The following KALRN variants were observed in gnomAD, a reference collection of about 807,000 sequenced individuals.
The protein encoded by KALRN is kalirin.
In KALRN, 70 loss-of-function variants were observed where a neutral mutation model predicts 353.7. The ratio of observed to expected loss-of-function variants is 0.20; its 90% CI spans 0.16 to 0.24. The LOEUF is 0.24. Among genes scored for constraint, KALRN ranks in the 10% least tolerant of loss-of-function variants. The pLI, the probability that KALRN is intolerant of heterozygous loss-of-function variation, is 1.00. For synonymous variants in KALRN, 1,391 were observed against 1,434.8 expected (o/e 0.97, Z 0.69); for missense variants, 2,791 against 3,756.7 (o/e 0.74, Z 6.72).
At chr3:124,637,066 T>C in intron 36 of KALRN, 142 bp from the exon 37 acceptor site, 1 of 687,954 alleles carries the variant, frequency 1.5e-6, no homozygotes, top group Non-Finnish European at 2.6e-6. Context: ...CACACTCTTC[T>C]CCCTCTGTCA....
intron 1 of KALRN, among the ~76,000 whole-genome samples, chr3:124,165,181 A>G (rs1353558956): frequency 6.6e-6 from 1 of 152,208 alleles, no homozygotes; most frequent in East Asian, 1.9e-4. Context: ...AACATATTAT[A>G]CTTTACTGAA....
intron 3 of KALRN, among the ~76,000 whole-genome samples, chr3:124,251,515 A>C (rs2071171314): frequency 6.6e-6 from 1 of 151,978 alleles, no homozygotes; most frequent in African/African-American, 2.4e-5. Flanking sequence ...GACTACAGGC[A>C]TGCGCCACCT....
chr3:124,557,522 C>T (rs1450766491), intron 33 of KALRN, among the ~76,000 whole-genome samples: 1 of 152,112 alleles, frequency 6.6e-6, no homozygotes, highest in Non-Finnish European at 1.5e-5. Context: ...GAGAGAAAGA[C>T]AGTTTTTGCA....
rs369500545 is a variant in KALRN at position 124,384,803 on chromosome 3, C to G, written c.1771-42C>G. 4.6e-5 allele frequency: 70 copies of G among 1,530,892 alleles called. 1 individual carries two copies. In the East Asian group the frequency reaches 9.0e-4, roughly 20 times the overall value. 94.8% of individuals were successfully genotyped at this position (1,530,892 alleles called of 1,614,324 possible). ...AGCCCCAGGGTGGGCTGCTGGAAGG[C>G]GCGACTGCAACTTGACTTTGCCTCA... On this transcript the variant is annotated intron_variant, in intron 10 of 59. Coordinates refer to ENST00000682506, the MANE Select transcript of KALRN (RefSeq NM_001388419.1).
At chr3:124,541,510 G>A (rs766930289) in intron 33 of KALRN, among the ~76,000 whole-genome samples, 4 of 151,726 alleles carry the variant, frequency 2.6e-5, no homozygotes, top group Non-Finnish European at 5.9e-5. Context: ...TTATAACCAC[G>A]CAGTTTTATT....
At chr3:124,446,912 A>G (rs1158393586) in intron 21 of KALRN, 27 bp downstream of exon 21, 1 of 1,613,110 alleles carries the variant, frequency 6.2e-7, no homozygotes, top group Admixed American at 1.7e-5. Flanking sequence ...AGCCTCCCCC[A>G]GATCCACCCA....
rs537754325 is a variant in KALRN, at chr3:124,461,806, A to G, written c.3855-84A>G. 14 of 931,460 alleles carry G rather than the reference A, an allele frequency of 1.5e-5. 1 individual carries two copies. Among genetic ancestry groups the G allele is most frequent in the East Asian group, 9.6e-5 (4 of 41,456 alleles). 57.7% of individuals were successfully genotyped at this position (931,460 alleles called of 1,614,324 possible). A position where few individuals can be genotyped will look rare whatever the true frequency, so the allele number is the denominator to read the frequency against. The stretch of plus-strand genomic sequence containing the variant: ...AAAATAAGACATTTAAGAATGTCAT[A>G]CATGCTGGGGTGGGGAAGTGAAGTT... On this transcript the variant is annotated intron_variant, in intron 23 of 59. Coordinates refer to ENST00000682506, the MANE Select transcript of KALRN (RefSeq NM_001388419.1).
intron 34 of KALRN, among the ~76,000 whole-genome samples, chr3:124,614,278 T>G (rs1012462490): frequency 6.6e-6 from 1 of 151,098 alleles, no homozygotes; most frequent in African/African-American, 2.4e-5. Context: ...ATTTATTTAT[T>G]TATTTATTGA....
chr3:124,718,582 C>A (rs368294925), intron 59 of KALRN, among the ~76,000 whole-genome samples: 7 of 152,150 alleles, frequency 4.6e-5, no homozygotes, highest in Non-Finnish European at 7.3e-5. Context: ...AGCCAACAAA[C>A]GTCACCTTCT....
In KALRN at chr3:124,328,702, G is replaced by A. The variant is rs375724699; in HGVS notation, c.1285-1159G>A. On this transcript the variant is annotated intron_variant, in intron 7 of 59. Coordinates refer to ENST00000682506, the MANE Select transcript of KALRN (RefSeq NM_001388419.1). ...ATCAACAGGCCAGGGACTGAAAGCT[G>A]ACAGTGACAACAAAACTAGAACGCA... 2.3e-3 allele frequency among the ~76,000 whole-genome samples: 357 copies of A among 152,336 alleles called. 19 individuals are homozygous for A. In the South Asian group the frequency reaches 0.07, roughly 30 times the overall value.
chr3:124,479,070 T>C (rs2061705500), intron 27 of KALRN, among the ~76,000 whole-genome samples: 1 of 152,270 alleles, frequency 6.6e-6, no homozygotes, highest in African/African-American at 2.4e-5. Context: ...CACCTTTCTG[T>C]TACTCACATC....
Position 124,657,819 on chromosome 3 carries a change from C to G in KALRN, c.6036+16C>G. ...TATTAAGCACGTGAGTGTCTCCCAT[C>G]ACCTCCTCCCCAACTCCTTCACTAG... is the stretch of plus-strand genomic sequence containing the variant. On this transcript the variant is annotated intron_variant, in intron 41 of 59. Coordinates refer to ENST00000682506, the MANE Select transcript of KALRN (RefSeq NM_001388419.1). 6.4e-7 allele frequency: 1 copy of G among 1,551,886 alleles called. No individual in the cohort carries two copies. Among genetic ancestry groups the G allele is most frequent in the Admixed American group, 1.7e-5 (1 of 59,832 alleles).
At chr3:124,400,239 A>C (rs1420915384) in intron 13 of KALRN, among the ~76,000 whole-genome samples, 1 of 152,184 alleles carries the variant, frequency 6.6e-6, no homozygotes, top group Non-Finnish European at 1.5e-5. Context: ...CCTAGGTCCA[A>C]AAATGTTCAT....
intron 5 of KALRN, among the ~76,000 whole-genome samples, chr3:124,273,723 G>A (rs1016963672): frequency 6.7e-6 from 1 of 150,068 alleles, no homozygotes; most frequent in Non-Finnish European, 1.5e-5. Flanking sequence ...GGAATGACAG[G>A]AAAGTCTTAA....
At position 124,723,758 on chromosome 3, in the gene KALRN, G is replaced by T. The variant is rs866050449; in HGVS notation, c.*4288G>T. The T allele has an allele frequency of 2.0e-5, 3 of 152,182 alleles. No individual in the cohort carries two copies. The highest frequency in any genetic ancestry group is 4.4e-5 in the Non-Finnish European group (3 of 68,030). The allele number at this position is 152,182 out of a possible 1,614,324, so 9.4% of individuals were successfully genotyped here. A position where few individuals can be genotyped will look rare whatever the true frequency, so the allele number is the denominator to read the frequency against. On this transcript the variant is annotated 3_prime_UTR_variant, in exon 60 of 60. Coordinates refer to ENST00000682506, the MANE Select transcript of KALRN (RefSeq NM_001388419.1). ...TTATGTCCATAAGTTGTTTTCTCCA[G>T]TATTTCTTATGGCAGATGCGAAGAG... is the stretch of plus-strand genomic sequence containing the variant.
intron 43 of KALRN, 37 bp downstream of exon 43, chr3:124,659,494 G>A (rs1022439436): frequency 7.2e-7 from 1 of 1,390,118 alleles, no homozygotes; most frequent in African/African-American, 1.4e-5. Context: ...GCTGGAGAAG[G>A]ATCCATCAGG....
chr3:124,352,714 A>G (rs1050868877), intron 10 of KALRN, among the ~76,000 whole-genome samples: 2 of 152,140 alleles, frequency 1.3e-5, no homozygotes. Flanking sequence ...ACACTTTAAA[A>G]AAATCATTCT....
intron 45 of KALRN, among the ~76,000 whole-genome samples, chr3:124,665,822 A>G (rs1283515775): frequency 1.3e-5 from 2 of 152,220 alleles, no homozygotes; most frequent in South Asian, 2.1e-4. Context: ...CTTATAAAAT[A>G]TGGAGACCTA....
In KALRN at chr3:124,678,332, A is replaced by G; in HGVS notation, c.7317+19A>G. On this transcript the variant is annotated intron_variant, in intron 50 of 59. Transcript: ENST00000682506. The stretch of plus-strand genomic sequence containing the variant: ...TGTTAAAGTGAGTAAGGTATTCCGG[A>G]GCTGCGTCCCCACCTGTCATCCACT... The G allele has an allele frequency of 6.2e-7, 1 of 1,612,118 alleles. No individual in the cohort carries two copies. The highest frequency in any genetic ancestry group is 8.5e-7 in the Non-Finnish European group (1 of 1,178,748).
Sources: gnomAD v4.1 joint callset for allele counts (sites outside exome capture counted in the v4.1 genomes callset) on GRCh38, gnomAD v4.1.1 for gene constraint, MANE v1.5 for transcripts, NCBI Gene and HGNC (gene_info 2026-07-23, HGNC 2026-07-21) for gene names.